The following MYLIP variants were observed in gnomAD, a reference collection of about 807,000 sequenced individuals.
MYLIP encodes myosin regulatory light chain interacting protein.
Under a neutral mutation model 45.8 loss-of-function variants are expected in MYLIP, and 26 were observed. The observed-to-expected ratio is 0.57, with a 90% CI of 0.42 to 0.79. The LOEUF (loss-of-function observed/expected upper bound fraction) is 0.79. Among genes scored for constraint, MYLIP ranks in the 30% least tolerant of loss-of-function variants. MYLIP has a pLI of 0.00. For synonymous variants in MYLIP, 213 were observed against 218.1 expected, an observed-to-expected ratio of 0.98 and a Z score of 0.21; for missense variants, 494 against 555.6, an observed-to-expected ratio of 0.89 and a Z score of 1.11.
At chr6:16,138,232 C>T (rs185703203) in intron 2 of MYLIP, among the ~76,000 whole-genome samples, 19 of 151,848 alleles carry the variant, frequency 1.3e-4, no homozygotes, top group African/African-American at 4.3e-4. Context: ...TACTTTTGAT[C>T]TTTAGTGCAA....
At chr6:16,138,205 G>T (rs113830164) in intron 2 of MYLIP, among the ~76,000 whole-genome samples, 9 of 151,996 alleles carry the variant, frequency 5.9e-5, no homozygotes, top group African/African-American at 2.2e-4. Context: ...AGCCTCTATT[G>T]AATTGAATAT....
rs1759415618 is a variant in MYLIP at position 16,129,640 on chromosome 6, G to C, written c.87+231G>C. Among the ~76,000 whole-genome samples the C allele has an allele frequency of 6.6e-6, 1 of 152,172 alleles. No homozygotes were observed. The highest frequency in any genetic ancestry group is 2.4e-5 in the African/African-American group (1 of 41,470). On this transcript the variant is annotated intron_variant, in intron 1 of 6. Transcript: ENST00000356840. The surrounding 1 kb of genome is among the most constrained non-coding windows in gnomAD (Gnocchi z 5.1). ...GCGGGGGTCCCCAGCGCTGAGGGCC[G>C]GGCGCAGCCCGCAGCCGGGATCCAC... is the stretch of plus-strand genomic sequence containing the variant.
At chr6:16,153,293 T>C in the MYLIP span, among the ~76,000 whole-genome samples, 1 of 152,194 alleles carries the variant, frequency 6.6e-6, no homozygotes, top group Non-Finnish European at 1.5e-5. Flanking sequence ...AGGATAAAAA[T>C]ATAGCACAGC....
the MYLIP span, among the ~76,000 whole-genome samples, chr6:16,162,690 C>G: frequency 6.7e-6 from 1 of 148,964 alleles, no homozygotes; most frequent in African/African-American, 2.5e-5. Flanking sequence ...GTGGCTCATG[C>G]CTATAATCCC....
chr6:16,139,320 G>A lies in MYLIP; in HGVS notation c.279-2305G>A, dbSNP rs191560627. Among the ~76,000 whole-genome samples, 935 of 151,838 alleles carry A rather than the reference G, an allele frequency of 6.2e-3. 12 individuals are homozygous for A. Among genetic ancestry groups the A allele is most frequent in the African/African-American group, 0.021 (866 of 41,370 alleles). The stretch of plus-strand genomic sequence containing the variant: ...GGAGAATCGCTTGAACCCAGGAGGC[G>A]GAGCTTGCAGTGAGCCCAGATCGTG... On this transcript the variant is annotated intron_variant, in intron 2 of 6. Coordinates refer to ENST00000356840, the MANE Select transcript of MYLIP (RefSeq NM_013262.4).
In MYLIP at chr6:16,141,782, A is replaced by G. The variant is rs750575255; in HGVS notation, c.436A>G (p.Lys146Glu). ...GTATAACTATGAGGAGCTCTGTGCC[A>G]AGGAGCTCTCCTCTGCCACCTTGAA... ...AKYNYEELCA[K>E]ELSSATLNSI... is the part of the protein sequence containing the mutation. The change falls in exon 3 of 7, where the codon AAG becomes GAG. Residue 146 changes from lysine to glutamate, a missense_variant. Coordinates refer to ENST00000356840, the MANE Select transcript of MYLIP (RefSeq NM_013262.4). 2 of 1,613,570 alleles carry G rather than the reference A, an allele frequency of 1.2e-6. No homozygotes were observed. Among genetic ancestry groups the G allele is most frequent in the Non-Finnish European group, 1.7e-6 (2 of 1,179,594 alleles).
the MYLIP span, among the ~76,000 whole-genome samples, chr6:16,162,784 C>CAAAAAAAAAAAA: frequency 2.2e-5 from 1 of 46,314 alleles, no homozygotes; most frequent in Non-Finnish European, 3.1e-5. Flanking sequence ...GACCTCAACT[C>CAAAAAAAAAAAA]TAAAAAAAAA....
Position 16,146,867 on chromosome 6 carries a change from T to TAAAAAA in MYLIP, c.*125_*130dup, listed in dbSNP as rs35112615. ...CCAACACCCATCTGCCATGCGATGT[T>TAAAAAA]AAAAAAAAAAAAAAGGAAGAAAAAT... On this transcript the variant is annotated 3_prime_UTR_variant, in exon 7 of 7. Coordinates refer to ENST00000356840, the MANE Select transcript of MYLIP (RefSeq NM_013262.4). 6.5e-6 allele frequency: 4 copies of TAAAAAA among 614,376 alleles called. No homozygotes were observed. In the African/African-American group the frequency reaches 7.8e-5, roughly 12 times the overall value. 38.1% of individuals were successfully genotyped at this position (614,376 alleles called of 1,614,324 possible).
rs1188703004 is a variant in MYLIP at position 16,141,740 on chromosome 6, A to G, written c.394A>G (p.Asn132Asp). Residue 132 changes from asparagine to aspartate, a missense_variant, in exon 3 of 7, where the codon AAC becomes GAC. Physicochemically the swap from Asn to Asp is conservative, Grantham distance 23. Transcript: ENST00000356840. Reference sequence around the variant, plus strand: ...GGCCCAGACCAAGTTTGGAGACTACAACCAGAACACTGCCAAGTATAACTA... The same window carrying G: ...GGCCCAGACCAAGTTTGGAGACTACGACCAGAACACTGCCAAGTATAACTA... Reference protein sequence around the residue: ...LLAQTKFGDYNQNTAKYNYEE... With the variant: ...LLAQTKFGDYDQNTAKYNYEE... 16 of 1,614,192 alleles carry G rather than the reference A, an allele frequency of 9.9e-6. No homozygotes were observed. In the East Asian group the frequency reaches 3.6e-4, roughly 36 times the overall value.
At chr6:16,153,709 G>T in the MYLIP span, among the ~76,000 whole-genome samples, 1 of 152,204 alleles carries the variant, frequency 6.6e-6, no homozygotes, top group Non-Finnish European at 1.5e-5. Flanking sequence ...AGTTAGGGGA[G>T]AGAGCGCGAG....
At chr6:16,142,704 G>A (rs968206011) in intron 3 of MYLIP, among the ~76,000 whole-genome samples, 2 of 152,214 alleles carry the variant, frequency 1.3e-5, no homozygotes, top group Non-Finnish European at 2.9e-5. Context: ...TAAACTATAT[G>A]TGGACAAATG....
chr6:16,141,070 G>T (rs941155412), intron 2 of MYLIP, among the ~76,000 whole-genome samples: 2 of 152,184 alleles, frequency 1.3e-5, no homozygotes, highest in Non-Finnish European at 2.9e-5. Flanking sequence ...GAGAAAAAGG[G>T]CTTGGGAAAG....
chr6:16,129,334 T>C lies in MYLIP; in HGVS notation c.12T>C (p.Tyr4=), dbSNP rs1759404658. The C allele has an allele frequency of 8.2e-6, 13 of 1,577,326 alleles. No individual in the cohort carries two copies. Among genetic ancestry groups the C allele is most frequent in the Non-Finnish European group, 1.1e-5 (13 of 1,162,098 alleles). The change falls in exon 1 of 7, where the codon TAT becomes TAC. Residue 4 remains tyrosine (Y), a synonymous_variant. Transcript: ENST00000356840. This position sits in a 1 kb window ranked among gnomAD's most constrained non-coding sequence, Gnocchi z 5.1. MLC[Y]VTRPDAVLME... is the part of the protein sequence containing the mutation. ...CGGCAGCCCCAGCCATGCTGTGTTA[T>C]GTGACGAGGCCGGACGCGGTGCTGA...
chr6:16,142,926 A>G lies in MYLIP; in HGVS notation c.465-94A>G, dbSNP rs1390215209. ...AAGTTTTAAGTTGTTGTGATTCATC[A>G]GTGTTAGTATATTTCACTCGTGAAG... On this transcript the variant is annotated intron_variant, in intron 3 of 6. Transcript: ENST00000356840. 3 of 1,212,334 alleles carry G rather than the reference A, an allele frequency of 2.5e-6. No individual in the cohort carries two copies. The Admixed American group carries it at 6.7e-5, about 27-fold the overall frequency. The allele number at this position is 1,212,334 out of a possible 1,614,324, so 75.1% of individuals were successfully genotyped here.
downstream of MYLIP, among the ~76,000 whole-genome samples, chr6:16,151,137 C>G (rs555531338): frequency 6.6e-6 from 1 of 151,536 alleles, no homozygotes; most frequent in African/African-American, 2.4e-5. Flanking sequence ...ATCACGAGGT[C>G]GGGAGATCAA....
chr6:16,135,755 C>CATATATATATATATATATATA (rs1759539500), intron 2 of MYLIP, among the ~76,000 whole-genome samples: 1 of 125,262 alleles, frequency 8.0e-6, no homozygotes, highest in Non-Finnish European at 1.7e-5. Context: ...ATACATATAT[C>CATATATATATATATATATATA]TATATATATA....
Position 16,130,662 on chromosome 6 carries a change from C to T in MYLIP, c.193C>T (p.Gln65Ter), listed in dbSNP as rs761210455. 3.1e-6 allele frequency: 5 copies of T among 1,614,198 alleles called. No individual in the cohort carries two copies. Among genetic ancestry groups the T allele is most frequent in the Non-Finnish European group, 4.2e-6 (5 of 1,180,028 alleles). Residue 65 changes from glutamine (Q) to a stop codon, truncating the protein, a stop_gained, in exon 2 of 7, where the codon CAG becomes TAG. Transcript: ENST00000356840. LOFTEE classifies it high-confidence loss of function. ...AAACCTGAGAAACCGGATCTCCCAG[C>T]AGATGGATGGGCTAGCCCCTTACAG... is the stretch of plus-strand genomic sequence containing the variant. ...WLNLRNRISQQMDGLAPYRLK... is the reference protein window; with the variant it reads ...WLNLRNRISQ
In MYLIP at chr6:16,143,041, G is replaced by A. The variant is rs778274263; in HGVS notation, c.486G>A (p.Glu162=). Residue 162 remains glutamate (E), a synonymous_variant, in exon 4 of 7, where the codon GAG becomes GAA. Coordinates refer to ENST00000356840, the MANE Select transcript of MYLIP (RefSeq NM_013262.4). ...TLNSIVAKHK[E]LEGTSQASAE... is the part of the protein sequence containing the mutation. ...CCAGCATTGTTGCAAAACATAAGGA[G>A]TTGGAGGGGACCAGCCAGGCTTCAG... The A allele has an allele frequency of 6.2e-7, 1 of 1,613,996 alleles. No homozygotes were observed. The highest frequency in any genetic ancestry group is 1.3e-5 in the African/African-American group (1 of 74,924).
At chr6:16,160,888 G>A in the MYLIP span, 1 of 152,482 alleles carries the variant, frequency 6.6e-6, no homozygotes, top group Non-Finnish European at 1.5e-5. Flanking sequence ...GCTTCACCTG[G>A]TTCTCTGCTG....
Sources: gnomAD v4.1 joint callset for allele counts (sites outside exome capture counted in the v4.1 genomes callset) on GRCh38, gnomAD v4.1.1 for gene constraint, Gnocchi (gnomAD v3.1) non-coding constraint, MANE v1.5 for transcripts, NCBI Gene and HGNC (gene_info 2026-07-23, HGNC 2026-07-21) for gene names.